Variants in CSGALNACT1 observed in about 807,000 individuals in gnomAD.
CSGALNACT1 encodes chondroitin sulfate N-acetylgalactosaminyltransferase 1, also known as beta4GalNAcT-1.
Under a neutral mutation model 51.0 loss-of-function variants are expected in CSGALNACT1, and 52 were observed. The observed-to-expected ratio is 1.02, with a 90% confidence interval of 0.82 to 1.29. CSGALNACT1 has a LOEUF of 1.29. Ranked by LOEUF, CSGALNACT1 falls within the 50% of genes most tolerant of loss-of-function variation. The probability of loss-of-function intolerance (pLI) is 0.00; values close to 1 mark genes in which losing one functional copy is unlikely to be tolerated. For missense variants in CSGALNACT1, 935 were observed against 679.2 expected (o/e 1.38, Z -4.19); for synonymous variants, 341 against 254.4 (o/e 1.34, Z -3.24).
intron 1 of CSGALNACT1, among the ~76,000 whole-genome samples, chr8:19,663,620 T>C (rs2058950008): frequency 1.3e-5 from 2 of 152,132 alleles, no homozygotes; most frequent in Admixed American, 6.5e-5. Flanking sequence ...TCACATCCTG[T>C]ACAAAGATTT....
chr8:19,681,392 T>C (rs2060606980), intron 1 of CSGALNACT1, among the ~76,000 whole-genome samples: 1 of 152,082 alleles, frequency 6.6e-6, no homozygotes, highest in African/African-American at 2.4e-5. Flanking sequence ...GGTGCATCTG[T>C]CCTTCGCGCC....
chr8:19,552,950 C>A (rs1446338540), intron 3 of CSGALNACT1, among the ~76,000 whole-genome samples: 1 of 152,130 alleles, frequency 6.6e-6, no homozygotes, highest in African/African-American at 2.4e-5. Context: ...AGACTGTGCT[C>A]AGGATACATG....
intron 6 of CSGALNACT1, among the ~76,000 whole-genome samples, chr8:19,427,831 C>T (rs2059014537): frequency 6.6e-6 from 1 of 152,076 alleles, no homozygotes; most frequent in Non-Finnish European, 1.5e-5. Flanking sequence ...ATCTTAACAC[C>T]ATGCCAAGCC....
intron 2 of CSGALNACT1, among the ~76,000 whole-genome samples, chr8:19,595,861 A>ATT (rs200011185): frequency 8.9e-6 from 1 of 112,100 alleles, no homozygotes; most frequent in East Asian, 2.5e-4. Flanking sequence ...CAGTTAATGT[A>ATT]TTTTTTTTTT....
chr8:19,475,849 G>A (rs191473613), intron 4 of CSGALNACT1, among the ~76,000 whole-genome samples: 3 of 152,324 alleles, frequency 2.0e-5, no homozygotes, highest in South Asian at 2.1e-4. Flanking sequence ...AGCCTGGCAC[G>A]TGAGAAAGAG....
intron 1 of CSGALNACT1, among the ~76,000 whole-genome samples, chr8:19,703,050 C>T (rs905108341): frequency 2.6e-5 from 4 of 152,154 alleles, no homozygotes; most frequent in African/African-American, 9.7e-5. Context: ...ACCTGTAACC[C>T]TATGGATGTC....
rs750887627 is a variant in CSGALNACT1, at chr8:19,623,897, T to C, written c.-543-22032A>G. Among the ~76,000 whole-genome samples the C allele has an allele frequency of 3.3e-5, 5 of 152,328 alleles. No homozygotes were observed. In the Middle Eastern group the frequency reaches 0.01, roughly 311 times the overall value. On this transcript the variant is annotated intron_variant, in intron 1 of 9. Coordinates refer to the CSGALNACT1 transcript ENST00000332246. ...ATGATTTCTCTCTTGTATTAATGAA[T>C]CATGTACTTAAGCCTGTGCCTATGA...
At chr8:19,481,934 C>G (rs2071503057) in intron 4 of CSGALNACT1, among the ~76,000 whole-genome samples, 1 of 152,190 alleles carries the variant, frequency 6.6e-6, no homozygotes, top group African/African-American at 2.4e-5. Context: ...TTAAGGGTTT[C>G]AAAATGCTGG....
In CSGALNACT1 at chr8:19,469,429, C is replaced by G. The variant is rs527414252; in HGVS notation, c.635-10787G>C. On this transcript the variant is annotated intron_variant, in intron 4 of 9. Transcript: ENST00000454498. Reference sequence around the variant, plus strand: ...GAAAGAAAAGAAAAAAGAAATAGCCCTCTGGATGGGGCAAGGAGGAGACCA... The same window carrying G: ...GAAAGAAAAGAAAAAAGAAATAGCCGTCTGGATGGGGCAAGGAGGAGACCA... Among the ~76,000 whole-genome samples, 28 of 152,114 alleles carry G rather than the reference C, an allele frequency of 1.8e-4. No individual in the cohort carries two copies. In the East Asian group the frequency reaches 4.9e-3, roughly 26 times the overall value.
At chr8:19,689,166 G>A (rs916646657) in intron 1 of CSGALNACT1, among the ~76,000 whole-genome samples, 1 of 152,174 alleles carries the variant, frequency 6.6e-6, no homozygotes, top group Non-Finnish European at 1.5e-5. Flanking sequence ...CAGTAGCGAT[G>A]CCATGTGCCT....
intron 5 of CSGALNACT1, among the ~76,000 whole-genome samples, chr8:19,440,666 G>A (rs975522700): frequency 1.3e-5 from 2 of 152,042 alleles, no homozygotes; most frequent in Non-Finnish European, 2.9e-5. Context: ...ACAAGACAGG[G>A]ATGCCCTCTC....
chr8:19,670,650 C>CAAAAGAAAAA (rs2059723614), intron 1 of CSGALNACT1, among the ~76,000 whole-genome samples: 1 of 92,848 alleles, frequency 1.1e-5, no homozygotes, highest in Non-Finnish European at 1.9e-5. Context: ...CTACTGAAGA[C>CAAAAGAAAAA]AAAAAAAAAA....
At chr8:19,514,266 A>ACC (rs2079045058) in intron 3 of CSGALNACT1, among the ~76,000 whole-genome samples, 1 of 150,738 alleles carries the variant, frequency 6.6e-6, no homozygotes, top group Non-Finnish European at 1.5e-5. Context: ...TTCTTCCCTG[A>ACC]CCCCCTCCAG....
intron 1 of CSGALNACT1, among the ~76,000 whole-genome samples, chr8:19,644,073 G>C (rs574497776): frequency 6.6e-6 from 1 of 152,278 alleles, no homozygotes; most frequent in African/African-American, 2.4e-5. Context: ...ATGGCATATA[G>C]ATTTTATAAA....
rs564484972 is a variant in CSGALNACT1, at chr8:19,464,610, G to A, written c.635-5968C>T. On this transcript the variant is annotated intron_variant, in intron 4 of 9. Coordinates refer to ENST00000454498, the Ensembl canonical transcript of CSGALNACT1. ...TGTGCTGCCGAGAAGGAGGGGAGCA[G>A]TGGGTGAGTGAGCATGACTGCCTGA... Among the ~76,000 whole-genome samples the A allele has an allele frequency of 2.6e-5, 4 of 152,308 alleles. No homozygotes were observed. The South Asian group carries it at 8.3e-4, about 32-fold the overall frequency.
chr8:19,653,533 C>T (rs1267975877), intron 1 of CSGALNACT1, among the ~76,000 whole-genome samples: 1 of 152,160 alleles, frequency 6.6e-6, no homozygotes, highest in Non-Finnish European at 1.5e-5. Context: ...GTGGCTCATG[C>T]CTGTAATCCC....
exon 2 of CSGALNACT1, chr8:19,601,800 G>A (rs184421302): frequency 4.4e-6 from 2 of 454,002 alleles, no homozygotes; most frequent in Admixed American, 2.3e-5. Flanking sequence ...AGGTTAGGAG[G>A]TGGCTACATC....
chr8:19,649,619 G>C (rs193237134), intron 1 of CSGALNACT1, among the ~76,000 whole-genome samples: 4 of 151,468 alleles, frequency 2.6e-5, no homozygotes, highest in African/African-American at 9.7e-5. Context: ...TCACAGTTAC[G>C]AATACATGCA....
chr8:19,543,823 C>T (rs921587000), intron 3 of CSGALNACT1, among the ~76,000 whole-genome samples: 1 of 152,146 alleles, frequency 6.6e-6, no homozygotes, highest in Non-Finnish European at 1.5e-5. Flanking sequence ...CTGAGTCCTC[C>T]TAGTAGGACT....
Sources: allele counts gnomAD v4.1 joint callset (sites outside exome capture counted in the v4.1 genomes callset), GRCh38; gene constraint gnomAD v4.1.1; transcripts MANE v1.5; gene names NCBI Gene and HGNC (gene_info 2026-07-23, HGNC 2026-07-21).